Variants in TOX observed in about 807,000 individuals in gnomAD.
TOX encodes the protein thymocyte selection-associated high mobility group box protein TOX.
TOX carries 11 observed loss-of-function variants against 53.7 expected under a neutral mutation model. That is an observed-to-expected ratio of 0.20 (90% CI 0.13 to 0.34). The LOEUF (loss-of-function observed/expected upper bound fraction) is 0.34, where lower values mean the gene tolerates loss of function less well. Ranked by LOEUF, TOX falls within the 10% of genes least tolerant of loss-of-function variation. The pLI is 1.00. For missense variants in TOX, 570 were observed against 664.6 expected (o/e 0.86, Z 1.56); for synonymous variants, 225 against 245.3 (o/e 0.92, Z 0.77).
chr8:58,832,545 G>A (rs1344117996), intron 5 of TOX, among the ~76,000 whole-genome samples: 1 of 152,176 alleles, frequency 6.6e-6, no homozygotes, highest in Non-Finnish European at 1.5e-5. Flanking sequence ...TATGTAGTGG[G>A]TGTCTGAGCA....
chr8:58,939,788 T>G lies in TOX; in HGVS notation c.169-244A>C, dbSNP rs1812404997. ...AGGTGGTTTTATTTTTCCAAAAAGCTGAACTCAAACAGATTTCAAAGTTCC... is the reference window on the plus strand; with the variant it reads ...AGGTGGTTTTATTTTTCCAAAAAGCGGAACTCAAACAGATTTCAAAGTTCC... On this transcript the variant is annotated intron_variant, in intron 2 of 8. Coordinates refer to ENST00000361421, the MANE Select transcript of TOX (RefSeq NM_014729.3). 2.0e-5 allele frequency among the ~76,000 whole-genome samples: 3 copies of G among 152,350 alleles called. No homozygotes were observed. In the South Asian group the frequency reaches 6.2e-4, roughly 32 times the overall value.
chr8:59,097,088 G>C (rs1021519785), intron 1 of TOX, among the ~76,000 whole-genome samples: 1 of 152,168 alleles, frequency 6.6e-6, no homozygotes, highest in Non-Finnish European at 1.5e-5. Flanking sequence ...CTCACAGCCC[G>C]ATGTGGGGGA....
chr8:58,926,844 C>T (rs1181918351), intron 3 of TOX, among the ~76,000 whole-genome samples: 8 of 151,636 alleles, frequency 5.3e-5, no homozygotes, highest in South Asian at 2.1e-4. Flanking sequence ...GAGGCGCTAA[C>T]GCTGTCTTCC....
chr8:58,937,074 C>T (rs1812357915), intron 3 of TOX, among the ~76,000 whole-genome samples: 1 of 152,088 alleles, frequency 6.6e-6, no homozygotes, highest in South Asian at 2.1e-4. Context: ...TTGCTGGAGT[C>T]GCTTTTTGCT....
In TOX at chr8:59,105,080, A is replaced by G. The variant is rs566582663; in HGVS notation, c.102+13806T>C. Among the ~76,000 whole-genome samples the G allele has an allele frequency of 2.0e-5, 3 of 152,190 alleles. No homozygotes were observed. In the South Asian group the frequency reaches 6.2e-4, roughly 32 times the overall value. On this transcript the variant is annotated intron_variant, in intron 1 of 8. Transcript: ENST00000361421. ...AAAATGAATTAAGTGTCCCTTATTA[A>G]CAACCCCAAAGCTTTTTAACAAGCG...
At chr8:59,053,122 G>A (rs1803822927) in intron 1 of TOX, among the ~76,000 whole-genome samples, 1 of 152,004 alleles carries the variant, frequency 6.6e-6, no homozygotes, top group African/African-American at 2.4e-5. Flanking sequence ...ACATTGTTTA[G>A]GTCAGTGATA....
intron 1 of TOX, among the ~76,000 whole-genome samples, chr8:59,076,834 C>A (rs1164710933): frequency 6.6e-6 from 1 of 152,196 alleles, no homozygotes; most frequent in East Asian, 1.9e-4. Flanking sequence ...ACACTGTTCT[C>A]TAGTTGTATC....
intron 7 of TOX, among the ~76,000 whole-genome samples, chr8:58,810,469 T>C (rs1810058349): frequency 6.6e-6 from 1 of 152,158 alleles, no homozygotes; most frequent in Non-Finnish European, 1.5e-5. Flanking sequence ...ACCTCCCAAG[T>C]AGCTGGGACT....
intron 1 of TOX, among the ~76,000 whole-genome samples, chr8:59,111,775 T>C (rs1304873374): frequency 1.3e-5 from 2 of 152,232 alleles, no homozygotes; most frequent in African/African-American, 4.8e-5. Context: ...TCTTGGCCAC[T>C]GGCAAAGCTT....
chr8:58,837,507 G>C (rs1810566842), intron 5 of TOX, among the ~76,000 whole-genome samples: 1 of 152,078 alleles, frequency 6.6e-6, no homozygotes, highest in African/African-American at 2.4e-5. Context: ...CCTGAGCATG[G>C]TCCTCAGTCA....
Position 58,807,607 on chromosome 8 carries a change from A to G in TOX, c.*140T>C, listed in dbSNP as rs1810001790. The G allele has an allele frequency of 5.2e-6, 4 of 775,610 alleles. No homozygotes were observed. The East Asian group carries it at 1.1e-4, about 20-fold the overall frequency. 48.0% of individuals were successfully genotyped at this position (775,610 alleles called of 1,614,324 possible). On this transcript the variant is annotated 3_prime_UTR_variant, in exon 9 of 9. Transcript: ENST00000361421. ...ATGACTATTTCTTCCAGAGTGGGTG[A>G]CCCACAAGCTCAAATGGTCCTAAGT... is the stretch of plus-strand genomic sequence containing the variant.
At chr8:58,966,076 G>C (rs1029782449) in intron 1 of TOX, among the ~76,000 whole-genome samples, 1 of 152,034 alleles carries the variant, frequency 6.6e-6, no homozygotes, top group African/African-American at 2.4e-5. Context: ...TGAAAACTGA[G>C]CAAAGCTAAC....
chr8:58,930,136 A>G (rs1812235351), intron 3 of TOX, among the ~76,000 whole-genome samples: 1 of 152,222 alleles, frequency 6.6e-6, no homozygotes. Flanking sequence ...GATAAATGAC[A>G]TTGTACTTTC....
intron 1 of TOX, among the ~76,000 whole-genome samples, chr8:59,019,889 T>C (rs1485895967): frequency 6.6e-6 from 1 of 152,228 alleles, no homozygotes; most frequent in African/African-American, 2.4e-5. Flanking sequence ...CTTTGCAAAA[T>C]ATTTTTCTCC....
chr8:58,992,568 C>T (rs985012690), intron 1 of TOX, among the ~76,000 whole-genome samples: 7 of 152,206 alleles, frequency 4.6e-5, no homozygotes, highest in Non-Finnish European at 1.0e-4. Context: ...TCTGAACTTA[C>T]GTTAAAAATC....
intron 5 of TOX, among the ~76,000 whole-genome samples, chr8:58,829,671 C>T (rs2129166111): frequency 6.6e-6 from 1 of 152,212 alleles, no homozygotes; most frequent in Non-Finnish European, 1.5e-5. Context: ...CCATTTTGTA[C>T]ACTCTGTATG....
chr8:58,876,420 C>T (rs1012443872), intron 3 of TOX, among the ~76,000 whole-genome samples: 19 of 151,954 alleles, frequency 1.3e-4, no homozygotes, highest in Admixed American at 8.5e-4. Flanking sequence ...CACTATTTTA[C>T]GCATTCATTA....
chr8:59,003,794 G>A (rs540359982), intron 1 of TOX, among the ~76,000 whole-genome samples: 1 of 152,312 alleles, frequency 6.6e-6, no homozygotes. Flanking sequence ...ACTTTGGACA[G>A]CTATGTCTGG....
At chr8:59,034,554 C>T (rs1814419791) in intron 1 of TOX, among the ~76,000 whole-genome samples, 1 of 152,160 alleles carries the variant, frequency 6.6e-6, no homozygotes, top group Admixed American at 6.5e-5. Flanking sequence ...TGGCTTGGTC[C>T]TGTCTGTCTG....
Sources: gnomAD v4.1 joint callset for allele counts (sites outside exome capture counted in the v4.1 genomes callset) on GRCh38, gnomAD v4.1.1 for gene constraint, MANE v1.5 for transcripts, NCBI Gene and HGNC (gene_info 2026-07-23, HGNC 2026-07-21) for gene names.